The following ELAVL4 variants were observed in gnomAD, a reference collection of about 807,000 sequenced individuals.
ELAVL4 encodes the protein ELAV like RNA binding protein 4.
A neutral mutation model predicts 35.6 loss-of-function variants in ELAVL4; 1 was observed. That is an observed-to-expected ratio of 0.03 (90% confidence interval 0.01 to 0.13). ELAVL4 has a LOEUF of 0.13. Ranked by LOEUF, ELAVL4 falls within the 10% of genes least tolerant of loss-of-function variation. The pLI is 1.00. For missense variants in ELAVL4, 267 were observed against 464.9 expected (o/e 0.57, Z 3.91); for synonymous variants, 156 against 171.0 (o/e 0.91, Z 0.69).
At chr1:50,149,259 G>A (rs1331468035) in intron 2 of ELAVL4, among the ~76,000 whole-genome samples, 4 of 151,756 alleles carry the variant, frequency 2.6e-5, no homozygotes, top group Non-Finnish European at 5.9e-5. Flanking sequence ...TTAGCTAGGC[G>A]TGGTGGTGGG....
rs952718587 is a variant in ELAVL4, at chr1:50,168,965, C to T, written c.251-8124C>T. Among the ~76,000 whole-genome samples the T allele has an allele frequency of 6.2e-4, 86 of 138,156 alleles. 1 individual carries two copies. Among genetic ancestry groups the T allele is most frequent in the African/African-American group, 2.1e-3 (77 of 36,380 alleles). 90.6% of individuals were successfully genotyped at this position (138,156 alleles called of 152,430 possible). ...AGATATGTATATATATATATATATA[C>T]ACACACACATATATATATGTATATA... On this transcript the variant is annotated intron_variant, in intron 2 of 6. Transcript: ENST00000371824.
In ELAVL4 at chr1:50,109,016, C is replaced by CGGGGGGGCCG; in HGVS notation, c.-174_-173insGGGGGGGCCG. The CGGGGGGGCCG allele has an allele frequency of 2.2e-6, 2 of 905,700 alleles. No individual in the cohort carries two copies. Among genetic ancestry groups the CGGGGGGGCCG allele is most frequent in the Non-Finnish European group, 2.6e-6 (2 of 761,326 alleles). 56.1% of individuals were successfully genotyped at this position (905,700 alleles called of 1,614,324 possible). On this transcript the variant is annotated 5_prime_UTR_variant, in exon 1 of 7. Coordinates refer to ENST00000371824, the MANE Select transcript of ELAVL4 (RefSeq NM_001144774.3). ...CTCCTTTTCTTTTTTTTCTTTCTCT[C>CGGGGGGGCCG]CCCCGCCCACCCCCCCAAAAATAAT...
At chr1:50,080,743 C>G (rs1664973331) in intron 1 of ELAVL4, among the ~76,000 whole-genome samples, 1 of 152,146 alleles carries the variant, frequency 6.6e-6, no homozygotes. Flanking sequence ...GATGTTACCT[C>G]CACTGGACAG....
At chr1:50,120,497 T>G (rs1238356451) in intron 1 of ELAVL4, among the ~76,000 whole-genome samples, 1 of 152,064 alleles carries the variant, frequency 6.6e-6, no homozygotes, top group East Asian at 1.9e-4. Flanking sequence ...TGTTTTGACT[T>G]GGTTTTGACT....
upstream of ELAVL4, chr1:50,106,418 C>T (rs1403558813): frequency 6.3e-7 from 1 of 1,577,506 alleles, no homozygotes; most frequent in South Asian, 1.1e-5. Context: ...GCGGCGCTGG[C>T]AGCCCCACAG....
chr1:50,165,722 A>G (rs905345326), intron 2 of ELAVL4, among the ~76,000 whole-genome samples: 25 of 147,310 alleles, frequency 1.7e-4, no homozygotes, highest in African/African-American at 6.2e-4. Flanking sequence ...ATATATGTAT[A>G]TACATGTATA....
intron 1 of ELAVL4, among the ~76,000 whole-genome samples, chr1:50,131,491 A>T (rs976938302): frequency 8.6e-5 from 13 of 151,892 alleles, no homozygotes; most frequent in East Asian, 1.9e-4. Context: ...GAGTTTTTTT[A>T]AAAAAATAGA....
At chr1:50,091,239 G>C (rs1286259352) in intron 1 of ELAVL4, among the ~76,000 whole-genome samples, 1 of 152,186 alleles carries the variant, frequency 6.6e-6, no homozygotes, top group Non-Finnish European at 1.5e-5. Flanking sequence ...ACACCTGGCT[G>C]CTCGCCACCT....
At chr1:50,184,233 A>G (rs1388421825) in intron 3 of ELAVL4, among the ~76,000 whole-genome samples, 3 of 152,154 alleles carry the variant, frequency 2.0e-5, no homozygotes, top group African/African-American at 7.2e-5. Flanking sequence ...ATACGTTCCC[A>G]GTATCTTGAA....
chr1:50,121,951 A>ATAAGATTAGTTTTCATTTCT (rs1553171146), intron 1 of ELAVL4, among the ~76,000 whole-genome samples: 2 of 152,096 alleles, frequency 1.3e-5, no homozygotes, highest in Non-Finnish European at 2.9e-5. Context: ...ACTAGAAATA[A>ATAAGATTAGTTTTCATTTCT]TAAGATTAGT....
At chr1:50,169,214 A>G (rs185014356) in intron 2 of ELAVL4, among the ~76,000 whole-genome samples, 195 of 152,068 alleles carry the variant, frequency 1.3e-3, no homozygotes, top group Middle Eastern at 6.8e-3. Context: ...TGCCTGCTTT[A>G]TATTCACTGG....
intron 6 of ELAVL4, among the ~76,000 whole-genome samples, chr1:50,198,000 C>G (rs1644160616): frequency 6.6e-6 from 1 of 152,162 alleles, no homozygotes; most frequent in Admixed American, 6.6e-5. Flanking sequence ...ACTCCTGCCC[C>G]CACTTCAGTG....
intron 2 of ELAVL4, among the ~76,000 whole-genome samples, chr1:50,154,498 G>C (rs1205248224): frequency 2.0e-5 from 3 of 152,074 alleles, no homozygotes; most frequent in Non-Finnish European, 4.4e-5. Flanking sequence ...AGCTAGCTAG[G>C]GTAATAACTC....
chr1:50,087,581 A>T (rs1665305015), intron 1 of ELAVL4, among the ~76,000 whole-genome samples: 1 of 152,184 alleles, frequency 6.6e-6, no homozygotes, highest in Admixed American at 6.5e-5. Context: ...TCTACACGAA[A>T]TTTGCTGTGG....
intron 3 of ELAVL4, among the ~76,000 whole-genome samples, chr1:50,177,393 C>T (rs1009428778): frequency 6.6e-6 from 1 of 152,150 alleles, no homozygotes; most frequent in African/African-American, 2.4e-5. Context: ...GAAGGGACCA[C>T]AAGCTGTGAG....
At chr1:50,077,346 T>A (rs950577264) in intron 1 of ELAVL4, among the ~76,000 whole-genome samples, 1 of 152,196 alleles carries the variant, frequency 6.6e-6, no homozygotes, top group African/African-American at 2.4e-5. Flanking sequence ...AGAGCCAATG[T>A]TTCAGTCTGT....
At chr1:50,074,064 T>C (rs2148489736) in intron 1 of ELAVL4, among the ~76,000 whole-genome samples, 1 of 152,150 alleles carries the variant, frequency 6.6e-6, no homozygotes, top group Non-Finnish European at 1.5e-5. Flanking sequence ...TTTTGAAAGG[T>C]TTTACTGGTA....
chr1:50,139,294 C>T (rs1211412560), intron 1 of ELAVL4, among the ~76,000 whole-genome samples: 1 of 152,182 alleles, frequency 6.6e-6, no homozygotes, highest in Admixed American at 6.5e-5. Flanking sequence ...ATAAACAAAA[C>T]AGATGTGATC....
chr1:50,136,263 T>A (rs1018535116), intron 1 of ELAVL4, among the ~76,000 whole-genome samples: 1 of 152,174 alleles, frequency 6.6e-6, no homozygotes, highest in Non-Finnish European at 1.5e-5. Context: ...TGTAATTTTC[T>A]AACTTTGGGA....
Sources: allele counts gnomAD v4.1 joint callset (sites outside exome capture counted in the v4.1 genomes callset), GRCh38; gene constraint gnomAD v4.1.1; transcripts MANE v1.5; gene names NCBI Gene and HGNC (gene_info 2026-07-23, HGNC 2026-07-21).